The following SRPK1 variants were observed in gnomAD, a reference collection of about 807,000 sequenced individuals.
SRPK1 encodes SRSF protein kinase 1.
SRPK1 carries 52 observed loss-of-function variants against 89.5 expected under a neutral mutation model. The observed-to-expected ratio is 0.58, with a 90% CI of 0.46 to 0.73. The LOEUF (loss-of-function observed/expected upper bound fraction) is 0.73, where lower values mean the gene tolerates loss of function less well. Ranked by LOEUF, SRPK1 falls within the 30% of genes least tolerant of loss-of-function variation. The pLI, the probability that SRPK1 is intolerant of heterozygous loss-of-function variation, is 0.00. For synonymous variants in SRPK1, 255 were observed against 270.2 expected, an observed-to-expected ratio of 0.94 and a Z score of 0.55; for missense variants, 603 against 780.6, an observed-to-expected ratio of 0.77 and a Z score of 2.71.
chr6:35,902,261 AG>A (rs1770759939), intron 2 of SRPK1, among the ~76,000 whole-genome samples: 1 of 151,072 alleles, frequency 6.6e-6, no homozygotes, highest in Non-Finnish European at 1.5e-5. Context: ...AAGAAAAAAA[AG>A]ATTAGCCAGT....
intron 13 of SRPK1, among the ~76,000 whole-genome samples, chr6:35,844,154 G>A (rs1302936769): frequency 2.0e-5 from 3 of 151,786 alleles, no homozygotes; most frequent in African/African-American, 7.3e-5. Flanking sequence ...ACAGGTGCCC[G>A]CCACCAAGCC....
intron 2 of SRPK1, among the ~76,000 whole-genome samples, chr6:35,913,167 T>C (rs775077578): frequency 1.3e-5 from 2 of 152,098 alleles, no homozygotes; most frequent in Admixed American, 6.6e-5. Context: ...TAAAGGAAAA[T>C]GGTAATTTGT....
intron 12 of SRPK1, among the ~76,000 whole-genome samples, chr6:35,868,142 T>G (rs1486611926): frequency 1.3e-5 from 2 of 151,778 alleles, no homozygotes; most frequent in Non-Finnish European, 2.9e-5. Flanking sequence ...CTGGCTAATT[T>G]TTTTGTATTT....
chr6:35,881,039 A>G (rs544886243), intron 6 of SRPK1, among the ~76,000 whole-genome samples: 4 of 152,200 alleles, frequency 2.6e-5, no homozygotes, highest in African/African-American at 9.6e-5. Context: ...GCAGTGGGCC[A>G]ATATATTTGA....
intron 2 of SRPK1, among the ~76,000 whole-genome samples, chr6:35,917,640 T>A (rs1419484627): frequency 6.6e-6 from 1 of 152,224 alleles, no homozygotes; most frequent in Non-Finnish European, 1.5e-5. Flanking sequence ...TTCCAAGTTT[T>A]GGTTCTTCTG....
intron 13 of SRPK1, among the ~76,000 whole-genome samples, chr6:35,853,405 T>C (rs1769597713): frequency 6.6e-6 from 1 of 152,270 alleles, no homozygotes; most frequent in Non-Finnish European, 1.5e-5. Context: ...CATATGGTTA[T>C]ATATGTTATA....
At chr6:35,854,409 T>G (rs1193345747) in intron 13 of SRPK1, among the ~76,000 whole-genome samples, 1 of 152,204 alleles carries the variant, frequency 6.6e-6, no homozygotes, top group Non-Finnish European at 1.5e-5. Flanking sequence ...TTCAGGCACT[T>G]CCGATATTCC....
At chr6:35,868,237 G>A (rs1041697588) in intron 12 of SRPK1, among the ~76,000 whole-genome samples, 1 of 152,026 alleles carries the variant, frequency 6.6e-6, no homozygotes, top group African/African-American at 2.4e-5. Flanking sequence ...GCCAGCCTCC[G>A]CCTCCCAAAG....
intron 2 of SRPK1, among the ~76,000 whole-genome samples, chr6:35,913,414 A>T (rs1771015395): frequency 6.6e-6 from 1 of 152,150 alleles, no homozygotes; most frequent in Non-Finnish European, 1.5e-5. Flanking sequence ...GAATCACTCC[A>T]ACTCGGGAGG....
At chr6:35,858,963 T>A (rs1188770623) in intron 12 of SRPK1, among the ~76,000 whole-genome samples, 1 of 152,186 alleles carries the variant, frequency 6.6e-6, no homozygotes, top group African/African-American at 2.4e-5. Flanking sequence ...CATATTAAAG[T>A]GTATTTACAA....
At chr6:35,883,999 C>CT (rs757792541) in intron 6 of SRPK1, among the ~76,000 whole-genome samples, 3 of 151,910 alleles carry the variant, frequency 2.0e-5, no homozygotes, top group Middle Eastern at 3.2e-3. Context: ...TCCCAAAGTG[C>CT]TGAGATTACA....
intron 6 of SRPK1, among the ~76,000 whole-genome samples, chr6:35,882,799 T>C (rs1413873881): frequency 6.6e-6 from 1 of 151,938 alleles, no homozygotes; most frequent in East Asian, 1.9e-4. Context: ...TACCAATGAT[T>C]CTGCTGAGAA....
At chr6:35,887,000 C>T (rs1404210657) in intron 5 of SRPK1, among the ~76,000 whole-genome samples, 189 bp from the exon 6 acceptor site, 1 of 152,158 alleles carries the variant, frequency 6.6e-6, no homozygotes, top group African/African-American at 2.4e-5. Context: ...AGAGGAAATA[C>T]AACCAACAGG....
intron 2 of SRPK1, among the ~76,000 whole-genome samples, chr6:35,896,622 C>T (rs1011352146): frequency 6.6e-6 from 1 of 152,194 alleles, no homozygotes; most frequent in African/African-American, 2.4e-5. Context: ...TGTATCCACA[C>T]ACCAAGTTGT....
chr6:35,882,366 G>A (rs546719054), intron 6 of SRPK1, among the ~76,000 whole-genome samples: 1 of 151,856 alleles, frequency 6.6e-6, no homozygotes, highest in South Asian at 2.1e-4. Context: ...ACCCACACTG[G>A]AGTACAGTGG....
intron 13 of SRPK1, among the ~76,000 whole-genome samples, chr6:35,844,521 C>G (rs1183041642): frequency 6.6e-6 from 1 of 152,142 alleles, no homozygotes; most frequent in African/African-American, 2.4e-5. Flanking sequence ...CATGACAGAA[C>G]AGCCTTTCTC....
intron 12 of SRPK1, among the ~76,000 whole-genome samples, chr6:35,860,816 TAA>T (rs1184569762): frequency 2.0e-5 from 3 of 152,086 alleles, no homozygotes; most frequent in Non-Finnish European, 4.4e-5. Context: ...GATAAAGGTA[TAA>T]GTGTTTGGAG....
rs114128960 is a variant in SRPK1, at chr6:35,893,641, T to C, written c.75-2628A>G. Among the ~76,000 whole-genome samples, 788 of 150,204 alleles carry C rather than the reference T, an allele frequency of 5.2e-3. 9 individuals carry two copies. The highest frequency in any genetic ancestry group is 0.019 in the African/African-American group (735 of 39,534). ...AAAATAAACTGGAAAGAACAAATGC[T>C]GTTAGTGTGGATGATGCTACCCCAG... On this transcript the variant is annotated intron_variant, in intron 2 of 15. Transcript: ENST00000373825.
At chr6:35,890,177 C>T (rs1054102289) in intron 3 of SRPK1, among the ~76,000 whole-genome samples, 1 of 152,068 alleles carries the variant, frequency 6.6e-6, no homozygotes, top group African/African-American at 2.4e-5. Context: ...GCACAAGAAT[C>T]GCTTGAATCC....
Sources: gnomAD v4.1 joint callset for allele counts (sites outside exome capture counted in the v4.1 genomes callset) on GRCh38, gnomAD v4.1.1 for gene constraint, MANE v1.5 for transcripts, NCBI Gene and HGNC (gene_info 2026-07-23, HGNC 2026-07-21) for gene names.